FOXP2: variants seen among roughly 807,000 people sequenced by gnomAD.
FOXP2 encodes forkhead box P2, also known as forkhead box protein P2.
A neutral mutation model predicts 115.8 loss-of-function variants in FOXP2; 12 were observed. The observed-to-expected ratio is 0.10, with a 90% CI of 0.07 to 0.17. FOXP2 has a LOEUF of 0.17. Among genes scored for constraint, FOXP2 ranks in the 10% least tolerant of loss-of-function variants. The probability of loss-of-function intolerance (pLI) is 1.00; values close to 1 mark genes in which losing one functional copy is unlikely to be tolerated. For synonymous variants in FOXP2, 328 were observed against 297.7 expected (o/e 1.10, Z -1.05); for missense variants, 629 against 843.5 (o/e 0.75, Z 3.15).
At chr7:114,622,113 G>C (rs143201429) in intron 3 of FOXP2, among the ~76,000 whole-genome samples, 2,267 of 152,050 alleles carry the variant, frequency 0.015, 114 homozygotes, top group Admixed American at 0.091. Context: ...GTAGAGTTCA[G>C]TGTAAAGCGC....
intron 2 of FOXP2, among the ~76,000 whole-genome samples, chr7:114,335,397 A>G (rs1005316640): frequency 2.0e-5 from 3 of 151,932 alleles, no homozygotes; most frequent in Non-Finnish European, 2.9e-5. Context: ...AATTTAGATC[A>G]CAAAGAAACA....
At chr7:114,635,556 G>A (rs544682229) in intron 6 of FOXP2, among the ~76,000 whole-genome samples, 1 of 152,178 alleles carries the variant, frequency 6.6e-6, no homozygotes, top group East Asian at 1.9e-4. Flanking sequence ...TTAATTTTAT[G>A]TTTAAAAAAC....
chr7:114,236,598 T>C (rs1219513378), intron 1 of FOXP2, among the ~76,000 whole-genome samples: 1 of 152,244 alleles, frequency 6.6e-6, no homozygotes, highest in Admixed American at 6.5e-5. Context: ...AAAAGAATAG[T>C]TATTCACAAT....
chr7:114,463,957 T>A (rs74475067), intron 2 of FOXP2, among the ~76,000 whole-genome samples: 13,901 of 151,526 alleles, frequency 0.092, 680 homozygotes, highest in Middle Eastern at 0.18. Context: ...GACTATATAT[T>A]TTTTTTTAAA....
intron 1 of FOXP2, among the ~76,000 whole-genome samples, chr7:114,134,371 G>A (rs1463398417): frequency 6.6e-6 from 1 of 152,044 alleles, no homozygotes; most frequent in Non-Finnish European, 1.5e-5. Flanking sequence ...TGGATTTTTT[G>A]AATAAAATTT....
At chr7:114,299,287 G>T (rs1328435896) in intron 2 of FOXP2, among the ~76,000 whole-genome samples, 1 of 152,036 alleles carries the variant, frequency 6.6e-6, no homozygotes, top group Admixed American at 6.6e-5. Flanking sequence ...ACTTGAAGCA[G>T]AAGCTGTTAG....
intron 10 of FOXP2, among the ~76,000 whole-genome samples, chr7:114,654,448 G>T (rs1806460036): frequency 1.3e-5 from 2 of 152,028 alleles, no homozygotes; most frequent in African/African-American, 2.4e-5. Flanking sequence ...TTGTCATAAA[G>T]GTCATGGTAT....
rs990594046 is a variant in FOXP2 at position 114,631,608 on chromosome 7, A to G, written c.678A>G (p.Gln226=). The part of the protein sequence containing the change: ...VFQQQLLQMQ[Q]LQQQQHLLSL... The stretch of plus-strand genomic sequence containing the variant: ...AGCAGCAGCTTCTCCAGATGCAACA[A>G]CTCCAGCAGCAGCAGCATCTGCTCA... The change falls in exon 6 of 17, where the codon CAA becomes CAG. Residue 226 remains glutamine, a synonymous_variant. Coordinates refer to ENST00000350908, the MANE Select transcript of FOXP2 (RefSeq NM_014491.4). 1.2e-6 allele frequency: 2 copies of G among 1,612,510 alleles called. No individual in the cohort carries two copies. The highest frequency in any genetic ancestry group is 1.3e-5 in the African/African-American group (1 of 74,958).
intron 1 of FOXP2, among the ~76,000 whole-genome samples, chr7:114,174,873 T>G (rs2129153704): frequency 6.6e-6 from 1 of 152,236 alleles, no homozygotes; most frequent in Non-Finnish European, 1.5e-5. Context: ...CTACATGTTC[T>G]CTTATAATGA....
intron 1 of FOXP2, among the ~76,000 whole-genome samples, chr7:114,138,460 C>T (rs1039215856): frequency 8.7e-5 from 13 of 149,350 alleles, no homozygotes; most frequent in Non-Finnish European, 1.9e-4. Context: ...GACGCAATCT[C>T]GGCTCACTGC....
intron 6 of FOXP2, among the ~76,000 whole-genome samples, chr7:114,633,742 G>A (rs1044762690): frequency 4.6e-5 from 7 of 152,154 alleles, no homozygotes; most frequent in African/African-American, 1.4e-4. Flanking sequence ...CTAGCGTTAC[G>A]GTACTATGCT....
intron 7 of FOXP2, among the ~76,000 whole-genome samples, 181 bp from the exon 8 acceptor site, chr7:114,644,504 G>C (rs1212429346): frequency 6.6e-6 from 1 of 152,032 alleles, no homozygotes; most frequent in Non-Finnish European, 1.5e-5. Context: ...CCTCTAATTG[G>C]AACATCATCT....
chr7:114,404,412 C>A (rs952721369), intron 2 of FOXP2, among the ~76,000 whole-genome samples: 3 of 151,976 alleles, frequency 2.0e-5, no homozygotes, highest in Non-Finnish European at 2.9e-5. Flanking sequence ...TTACATAACA[C>A]TTTATTGAGC....
At chr7:114,145,431 T>TTTTCTTTTCTTTTC (rs1792337107) in intron 1 of FOXP2, among the ~76,000 whole-genome samples, 1 of 100,446 alleles carries the variant, frequency 1.0e-5, no homozygotes, top group Non-Finnish European at 2.2e-5. Flanking sequence ...GCTTTGCCAT[T>TTTTCTTTTCTTTTC]TTTTCTTTTC....
intron 1 of FOXP2, among the ~76,000 whole-genome samples, chr7:114,142,454 A>G (rs893203710): frequency 1.3e-5 from 2 of 152,230 alleles, no homozygotes; most frequent in African/African-American, 2.4e-5. Flanking sequence ...CTTCAAAAAT[A>G]TATAAACTAT....
intron 2 of FOXP2, among the ~76,000 whole-genome samples, chr7:114,440,059 G>A (rs535941677): frequency 2.2e-4 from 33 of 152,092 alleles, no homozygotes; most frequent in Non-Finnish European, 2.6e-4. Flanking sequence ...TAACAGTTAT[G>A]GAATAATTTT....
chr7:114,353,750 T>C (rs1012619989), intron 2 of FOXP2, among the ~76,000 whole-genome samples: 1 of 152,120 alleles, frequency 6.6e-6, no homozygotes, highest in African/African-American at 2.4e-5. Flanking sequence ...TCTACTGATC[T>C]GTAGGCCACT....
At chr7:114,566,009 G>T (rs1750645735) in intron 3 of FOXP2, among the ~76,000 whole-genome samples, 1 of 152,130 alleles carries the variant, frequency 6.6e-6, no homozygotes, top group Admixed American at 6.6e-5. Flanking sequence ...GGAGAAGGAT[G>T]AAGTTGTATG....
chr7:114,657,214 C>T (rs1482790152), intron 10 of FOXP2, among the ~76,000 whole-genome samples: 1 of 152,074 alleles, frequency 6.6e-6, no homozygotes, highest in Non-Finnish European at 1.5e-5. Context: ...TAATGAAGAA[C>T]AGGGCCTTTC....
Sources: gnomAD v4.1 joint callset for allele counts (sites outside exome capture counted in the v4.1 genomes callset) on GRCh38, gnomAD v4.1.1 for gene constraint, MANE v1.5 for transcripts, NCBI Gene and HGNC (gene_info 2026-07-23, HGNC 2026-07-21) for gene names.